PIGL: variants seen among roughly 807,000 people sequenced by gnomAD.
The protein encoded by PIGL is phosphatidylinositol glycan anchor biosynthesis class L.
PIGL carries 22 observed loss-of-function variants against 31.1 expected under a neutral mutation model. The ratio of observed to expected loss-of-function variants is 0.71; its 90% confidence interval spans 0.51 to 1.01. The LOEUF (loss-of-function observed/expected upper bound fraction) is 1.01, where lower values mean the gene tolerates loss of function less well. PIGL is among the 50% of genes least tolerant of loss of function. The pLI is 0.00. For synonymous variants in PIGL, 131 were observed against 117.4 expected (o/e 1.12, Z -0.75); for missense variants, 302 against 315.9 (o/e 0.96, Z 0.33).
chr17:16,226,542 G>A (rs1600742409), intron 1 of PIGL, among the ~76,000 whole-genome samples: 1 of 152,140 alleles, frequency 6.6e-6, no homozygotes, highest in Non-Finnish European at 1.5e-5. Flanking sequence ...CTCCTAAAGG[G>A]GAATGTAGAC....
intron 2 of PIGL, among the ~76,000 whole-genome samples, chr17:16,242,644 CTTTTTTTTTTT>C (rs35572629): frequency 1.5e-4 from 12 of 79,044 alleles, no homozygotes; most frequent in African/African-American, 4.4e-4. Context: ...TTTCTGATTC[CTTTTTTTTTTT>C]TTTTTTTTTT....
chr17:16,220,258 G>T (rs1306095846), intron 1 of PIGL, among the ~76,000 whole-genome samples: 1 of 151,884 alleles, frequency 6.6e-6, no homozygotes, highest in Non-Finnish European at 1.5e-5. Context: ...TGAGGCAGGA[G>T]AATCACTTGA....
At chr17:16,228,474 T>C (rs1304850188) in intron 1 of PIGL, among the ~76,000 whole-genome samples, 1 of 152,002 alleles carries the variant, frequency 6.6e-6, no homozygotes, top group Non-Finnish European at 1.5e-5. Context: ...AAGCTCCGCC[T>C]CCCGGGTTTA....
intron 2 of PIGL, among the ~76,000 whole-genome samples, chr17:16,292,110 C>T (rs2092963682): frequency 6.9e-6 from 1 of 145,150 alleles, no homozygotes; most frequent in South Asian, 2.3e-4. Flanking sequence ...TCTCGGCTCA[C>T]TGCAACCTCC....
chr17:16,320,452 GGGAGGGAA>G (rs1410721064), intron 6 of PIGL, among the ~76,000 whole-genome samples: 7 of 109,284 alleles, frequency 6.4e-5, no homozygotes, highest in Admixed American at 1.8e-4. Context: ...AAAGAAGGAA[GGGAGGGAA>G]GGAGGGAAGG....
At chr17:16,315,143 T>A (rs1357148041) in intron 4 of PIGL, among the ~76,000 whole-genome samples, 1 of 152,276 alleles carries the variant, frequency 6.6e-6, no homozygotes, top group Non-Finnish European at 1.5e-5. Context: ...AGGGGACAAC[T>A]CTGTGTAGAT....
intron 4 of PIGL, among the ~76,000 whole-genome samples, chr17:16,314,586 C>T (rs1054321082): frequency 3.3e-5 from 5 of 152,136 alleles, no homozygotes; most frequent in African/African-American, 1.2e-4. Context: ...GAATTTTACC[C>T]ACATACTCTT....
At chr17:16,310,718 G>A (rs2093045616) in intron 3 of PIGL, among the ~76,000 whole-genome samples, 2 of 152,152 alleles carry the variant, frequency 1.3e-5, no homozygotes. Flanking sequence ...TGTATTTTTA[G>A]TAGAGAGGGT....
chr17:16,306,522 C>CTTTTTTTTTT (rs34479966), intron 3 of PIGL, among the ~76,000 whole-genome samples: 2 of 113,672 alleles, frequency 1.8e-5, no homozygotes. Flanking sequence ...GTTATACGAT[C>CTTTTTTTTTT]TTTTTTTTTT....
chr17:16,268,367 CT>C (rs1363799297), intron 2 of PIGL, among the ~76,000 whole-genome samples: 1 of 124,712 alleles, frequency 8.0e-6, no homozygotes, highest in African/African-American at 2.6e-5. Flanking sequence ...GCCACTTCCT[CT>C]TCCTCTTTTA....
At chr17:16,321,513 C>A (rs773059052) in intron 6 of PIGL, among the ~76,000 whole-genome samples, 3 of 151,814 alleles carry the variant, frequency 2.0e-5, no homozygotes, top group Non-Finnish European at 4.4e-5. Context: ...GTGCTGGGAT[C>A]ACAGGCGTGA....
At chr17:16,257,141 G>A (rs561497717) in intron 2 of PIGL, among the ~76,000 whole-genome samples, 28 of 152,264 alleles carry the variant, frequency 1.8e-4, no homozygotes, top group African/African-American at 6.5e-4. Context: ...AACAGACCAG[G>A]CACGGTGGCT....
chr17:16,222,019 G>A (rs988003891), intron 1 of PIGL, among the ~76,000 whole-genome samples: 13 of 152,042 alleles, frequency 8.6e-5, no homozygotes, highest in African/African-American at 2.9e-4. Context: ...AAAATAATAG[G>A]ATTACAGCAT....
rs1230214606 is a variant in PIGL, at chr17:16,295,419, G to GTA, written c.336-4457_336-4456dup. Among the ~76,000 whole-genome samples the GTA allele has an allele frequency of 5.2e-4, 76 of 145,176 alleles. 1 individual carries two copies. The highest frequency in any genetic ancestry group is 1.1e-3 in the African/African-American group (44 of 39,000). ...CTCCGTCTCAAAAAAAAAAAAAAAA[G>GTA]TATATATATATATGTATGTAAAATA... On this transcript the variant is annotated intron_variant, in intron 2 of 6. Coordinates refer to ENST00000225609, the MANE Select transcript of PIGL (RefSeq NM_004278.4).
chr17:16,270,064 A>T (rs1407219220), intron 2 of PIGL, among the ~76,000 whole-genome samples: 1 of 152,036 alleles, frequency 6.6e-6, no homozygotes, highest in Non-Finnish European at 1.5e-5. Flanking sequence ...AGGCGGGCAG[A>T]TCACCTGAGG....
intron 5 of PIGL, chr17:16,317,493 G>A (rs1447138716): frequency 2.6e-6 from 3 of 1,157,600 alleles, no homozygotes; most frequent in Non-Finnish European, 3.2e-6. Context: ...ACTTCCTTTG[G>A]CTTTGAGGTA....
chr17:16,296,665 A>G (rs548870407), intron 2 of PIGL, among the ~76,000 whole-genome samples: 117 of 150,450 alleles, frequency 7.8e-4, no homozygotes, highest in African/African-American at 2.8e-3. Flanking sequence ...TTTTTTTTTA[A>G]AGGAGGGTTT....
At chr17:16,227,353 C>T (rs533089756) in intron 1 of PIGL, among the ~76,000 whole-genome samples, 63 of 152,036 alleles carry the variant, frequency 4.1e-4, no homozygotes, top group Non-Finnish European at 2.2e-4. Context: ...TCAAGTAATC[C>T]GCCTGCCTTG....
intron 3 of PIGL, among the ~76,000 whole-genome samples, chr17:16,310,655 A>G (rs1316091213): frequency 3.3e-5 from 5 of 151,110 alleles, no homozygotes; most frequent in African/African-American, 9.7e-5. Flanking sequence ...TCCTGCCTCA[A>G]CCTCCCAAGT....
Sources: allele counts gnomAD v4.1 joint callset (sites outside exome capture counted in the v4.1 genomes callset), GRCh38; gene constraint gnomAD v4.1.1; transcripts MANE v1.5; gene names NCBI Gene and HGNC (gene_info 2026-07-23, HGNC 2026-07-21).